PARVB: variants seen among roughly 807,000 people sequenced by gnomAD.
PARVB encodes the protein parvin beta, also known as beta-parvin.
A neutral mutation model predicts 47.0 loss-of-function variants in PARVB; 46 were observed. That is an observed-to-expected ratio of 0.98 (90% CI 0.77 to 1.25). PARVB has a LOEUF of 1.25. PARVB is among the 50% of genes most tolerant of loss of function. The probability of loss-of-function intolerance (pLI) is 0.00; values close to 1 mark genes in which losing one functional copy is unlikely to be tolerated. For missense variants in PARVB, 473 were observed against 471.6 expected (o/e 1.00, Z -0.03); for synonymous variants, 196 against 196.3 (o/e 1.00, Z 0.01).
upstream of PARVB, among the ~76,000 whole-genome samples, chr22:44,021,850 A>G (rs1329488618): frequency 6.6e-6 from 1 of 151,090 alleles, no homozygotes; most frequent in Non-Finnish European, 1.5e-5. Context: ...GAGACGGGGC[A>G]ATGCTTCTAC....
At chr22:44,105,337 T>C (rs2052544078) in intron 3 of PARVB, 1 of 152,232 alleles carries the variant, frequency 6.6e-6, no homozygotes, top group East Asian at 1.9e-4. Context: ...GGGGCTGAGG[T>C]CACAGGCCCA....
chr22:44,083,535 G>A (rs1203438925), intron 1 of PARVB, among the ~76,000 whole-genome samples: 1 of 152,154 alleles, frequency 6.6e-6, no homozygotes, highest in African/African-American at 2.4e-5. Context: ...ACTGCACCCA[G>A]GGATAGAGGA....
In PARVB at chr22:44,169,933, T is replaced by A. The variant is rs1195692775; in HGVS notation, c.*1255T>A. Reference sequence around the variant, plus strand: ...GTTGGCCAGGATGGTCTTGATCTCCTGACCTCATGATCTGCCTGCCTCAGC... The same window carrying A: ...GTTGGCCAGGATGGTCTTGATCTCCAGACCTCATGATCTGCCTGCCTCAGC... On this transcript the variant is annotated 3_prime_UTR_variant, in exon 13 of 13. Coordinates refer to ENST00000338758, the MANE Select transcript of PARVB (RefSeq NM_013327.5). 2 of 149,510 alleles carry A rather than the reference T, an allele frequency of 1.3e-5. No homozygotes were observed. The highest frequency in any genetic ancestry group is 2.9e-5 in the Non-Finnish European group (2 of 68,026). 9.3% of individuals were successfully genotyped at this position (149,510 alleles called of 1,614,324 possible). A position where few individuals can be genotyped will look rare whatever the true frequency, so the allele number is the denominator to read the frequency against.
rs184499211 is a variant in PARVB at position 44,128,876 on chromosome 22, G to A, written c.377-2611G>A. ...GCAGATCACTTGAGGTCAGGAATTC[G>A]AGACCAGCCTGATCAACATGGTGAA... On this transcript the variant is annotated intron_variant, in intron 4 of 12. Transcript: ENST00000338758. Among the ~76,000 whole-genome samples the A allele has an allele frequency of 4.9e-3, 742 of 152,268 alleles. 3 individuals are homozygous for A. Among genetic ancestry groups the A allele is most frequent in the African/African-American group, 0.015 (628 of 41,548 alleles).
At chr22:44,087,860 T>TTTC (rs1328707768) in intron 1 of PARVB, among the ~76,000 whole-genome samples, 2 of 148,566 alleles carry the variant, frequency 1.3e-5, no homozygotes, top group African/African-American at 5.1e-5. Context: ...TTTTTTTTTT[T>TTTC]TTTCTTTTTT....
At chr22:44,022,584 A>C (rs2050662813), upstream of PARVB, among the ~76,000 whole-genome samples, 1 of 151,648 alleles carries the variant, frequency 6.6e-6, no homozygotes, top group South Asian at 2.1e-4. Context: ...CACTGGGGGG[A>C]CTGGGGGGCA....
chr22:44,132,538 C>T (rs1349178572), intron 5 of PARVB, among the ~76,000 whole-genome samples: 2 of 152,150 alleles, frequency 1.3e-5, no homozygotes, highest in African/African-American at 4.8e-5. Flanking sequence ...GATAATAACG[C>T]ACATCCTTGT....
At chr22:44,130,603 G>A (rs1439922753) in intron 4 of PARVB, among the ~76,000 whole-genome samples, 2 of 152,176 alleles carry the variant, frequency 1.3e-5, no homozygotes, top group African/African-American at 2.4e-5. Flanking sequence ...GCATTAGAAT[G>A]TTTAAGAAAC....
rs918309850 is a variant in PARVB at position 44,089,869 on chromosome 22, C to T, written c.113-4059C>T. On this transcript the variant is annotated intron_variant, in intron 1 of 12. Coordinates refer to ENST00000338758, the MANE Select transcript of PARVB (RefSeq NM_013327.5). The surrounding 1 kb of genome is among the most constrained non-coding windows in gnomAD (Gnocchi z 4.0). ...GCACTCTGCAAAGAGCCCCGAAGGC[C>T]CTTTCCTTAGCCTGGCCATATTTCA... is the stretch of plus-strand genomic sequence containing the variant. Among the ~76,000 whole-genome samples, 1 of 152,186 alleles carries T rather than the reference C, an allele frequency of 6.6e-6. No individual in the cohort carries two copies. Among genetic ancestry groups the T allele is most frequent in the African/African-American group, 2.4e-5 (1 of 41,440 alleles).
At chr22:44,133,683 C>T (rs1181429965) in intron 6 of PARVB, among the ~76,000 whole-genome samples, 1 of 152,142 alleles carries the variant, frequency 6.6e-6, no homozygotes, top group African/African-American at 2.4e-5. Context: ...GGACTACAGG[C>T]ACATGCCACC....
intron 1 of PARVB, among the ~76,000 whole-genome samples, chr22:44,043,371 T>G (rs2016796): frequency 0.27 from 40,595 of 151,736 alleles, 5,477 homozygotes; most frequent in Admixed American, 0.34. Flanking sequence ...ATTGTACACT[T>G]ATTTATTTAT....
intron 1 of PARVB, among the ~76,000 whole-genome samples, chr22:44,046,792 T>C (rs1298517344): frequency 6.6e-6 from 1 of 152,096 alleles, no homozygotes; most frequent in Non-Finnish European, 1.5e-5. Flanking sequence ...TTCAGCACAG[T>C]GTGGGGTGGC....
chr22:44,151,972 G>A lies in PARVB; in HGVS notation c.843+421G>A, dbSNP rs959234925. On this transcript the variant is annotated intron_variant, in intron 10 of 12. Transcript: ENST00000338758. ...TTTGCCTTCATCTTCATGTGGTGTCGTCCTTGTGTGTGTGTCTCTGTGTCC... is the reference window on the plus strand; with the variant it reads ...TTTGCCTTCATCTTCATGTGGTGTCATCCTTGTGTGTGTGTCTCTGTGTCC... 7 of 185,670 alleles carry A rather than the reference G, an allele frequency of 3.8e-5. No individual in the cohort carries two copies. The East Asian group carries it at 6.4e-4, about 17-fold the overall frequency. The allele number at this position is 185,670 out of a possible 1,614,324, so 11.5% of individuals were successfully genotyped here.
rs572251152 is a variant in PARVB at position 44,103,748 on chromosome 22, C to T, written c.273+3625C>T. 6.6e-6 allele frequency: 1 copy of T among 152,334 alleles called. No individual in the cohort carries two copies. The highest frequency in any genetic ancestry group is 2.4e-5 in the African/African-American group (1 of 41,564). 9.4% of individuals were successfully genotyped at this position (152,334 alleles called of 1,614,324 possible). A position where few individuals can be genotyped will look rare whatever the true frequency, so the allele number is the denominator to read the frequency against. The stretch of plus-strand genomic sequence containing the variant: ...GAACATGGCAGCTTGACCCTGGAGG[C>T]AAGGTGGTAGCTTCTGGCTCTGAAG... On this transcript the variant is annotated intron_variant, in intron 3 of 12. Transcript: ENST00000338758. This position sits in a 1 kb window ranked among gnomAD's most constrained non-coding sequence, Gnocchi z 4.6.
At chr22:44,026,291 G>A (rs1399627061) in intron 1 of PARVB, 2 of 984,830 alleles carry the variant, frequency 2.0e-6, no homozygotes, top group South Asian at 4.7e-5. Flanking sequence ...TCCGGTAGCA[G>A]GAAGCATCCT....
intron 3 of PARVB, among the ~76,000 whole-genome samples, chr22:44,101,136 G>A (rs1407211977): frequency 1.3e-5 from 2 of 152,206 alleles, no homozygotes. Context: ...GAGGCTGGGC[G>A]CGGTGGCTCA....
At position 44,163,871 on chromosome 22, in the gene PARVB, C is replaced by G. The variant is rs775682211; in HGVS notation, c.959C>G (p.Ser320Cys). The change falls in exon 12 of 13, where the codon TCC becomes TGC. Residue 320 changes from serine to cysteine, a missense_variant. By Grantham distance (112) the Ser-to-Cys change is moderately radical (BLOSUM62 -1). Transcript: ENST00000338758. Reference protein sequence around the residue: ...ESFDQKVHNVSFAFELMLDGG... With the variant: ...ESFDQKVHNVCFAFELMLDGG... ...CTTCCTTGGCAGGTCCACAATGTGT[C>G]CTTCGCCTTTGAGCTGATGCTGGAC... is the stretch of plus-strand genomic sequence containing the variant. The G allele has an allele frequency of 6.2e-7, 1 of 1,610,166 alleles. No homozygotes were observed. Among genetic ancestry groups the G allele is most frequent in the South Asian group, 1.1e-5 (1 of 89,800 alleles).
At chr22:44,066,275 C>T (rs150062171) in intron 1 of PARVB, among the ~76,000 whole-genome samples, 31 of 152,230 alleles carry the variant, frequency 2.0e-4, no homozygotes, top group African/African-American at 7.0e-4. Context: ...GAAGCAGAGC[C>T]GGGGGATACT....
At chr22:44,168,222 C>A in intron 12 of PARVB, 1 of 188,032 alleles carries the variant, frequency 5.3e-6, no homozygotes, top group East Asian at 1.4e-4. Context: ...ACTTCCAGGG[C>A]CCCAGAGGGA....
Sources: gnomAD v4.1 joint callset for allele counts (sites outside exome capture counted in the v4.1 genomes callset) on GRCh38, gnomAD v4.1.1 for gene constraint, Gnocchi (gnomAD v3.1) non-coding constraint, MANE v1.5 for transcripts, NCBI Gene and HGNC (gene_info 2026-07-23, HGNC 2026-07-21) for gene names.